The following SSH2 variants were observed in gnomAD, a reference collection of about 807,000 sequenced individuals.
SSH2 encodes slingshot protein phosphatase 2.
SSH2 carries 37 observed loss-of-function variants against 135.2 expected under a neutral mutation model. The ratio of observed to expected loss-of-function variants is 0.27; its 90% CI spans 0.21 to 0.36. SSH2 has a LOEUF of 0.36. Ranked by LOEUF, SSH2 falls within the 10% of genes least tolerant of loss-of-function variation. The probability of loss-of-function intolerance (pLI) is 1.00; values close to 1 mark genes in which losing one functional copy is unlikely to be tolerated. For missense variants in SSH2, 1,408 were observed against 1,765.3 expected (o/e 0.80, Z 3.63); for synonymous variants, 628 against 646.2 (o/e 0.97, Z 0.43).
intron 6 of SSH2, among the ~76,000 whole-genome samples, chr17:29,683,371 A>T (rs2038064716): frequency 6.6e-6 from 1 of 152,232 alleles, no homozygotes; most frequent in Admixed American, 6.5e-5. Context: ...CTTTCATCAT[A>T]GAATGTAAAG....
intron 1 of SSH2, among the ~76,000 whole-genome samples, chr17:29,880,785 T>C (rs1457833807): frequency 6.6e-6 from 1 of 152,174 alleles, no homozygotes; most frequent in Non-Finnish European, 1.5e-5. Context: ...CACTACCTCA[T>C]ATTTGAGTAA....
intron 1 of SSH2, chr17:29,856,440 TGATGCATGCCTGTA>T (rs1036669875): frequency 2.7e-5 from 5 of 183,018 alleles, no homozygotes; most frequent in African/African-American, 1.2e-4. Flanking sequence ...CTGGGCTTGG[TGATGCATGCCTGTA>T]GTCTCAGCTA....
At chr17:29,821,142 A>C (rs1389847178) in intron 2 of SSH2, among the ~76,000 whole-genome samples, 1 of 152,174 alleles carries the variant, frequency 6.6e-6, no homozygotes, top group Non-Finnish European at 1.5e-5. Context: ...CAAAATTCAA[A>C]GTCTCTGATC....
chr17:29,830,624 T>A (rs1568000396), intron 2 of SSH2, among the ~76,000 whole-genome samples: 1 of 152,216 alleles, frequency 6.6e-6, no homozygotes, highest in Non-Finnish European at 1.5e-5. Context: ...CAGCAACCAC[T>A]GCAGTGTCTA....
intron 3 of SSH2, among the ~76,000 whole-genome samples, chr17:29,718,687 C>T (rs143881975): frequency 6.7e-4 from 85 of 127,476 alleles, no homozygotes; most frequent in African/African-American, 2.4e-3. Context: ...AAGCCAAGAT[C>T]GTGCCACTGC....
At chr17:29,639,338 T>C (rs529550332) in intron 14 of SSH2, among the ~76,000 whole-genome samples, 29 of 152,266 alleles carry the variant, frequency 1.9e-4, no homozygotes, top group Admixed American at 3.3e-4. Flanking sequence ...AGTATGGTCC[T>C]TGGGGGTGTG....
chr17:29,828,256 C>A (rs2042780279), intron 2 of SSH2, among the ~76,000 whole-genome samples: 1 of 152,186 alleles, frequency 6.6e-6, no homozygotes, highest in South Asian at 2.1e-4. Context: ...TTTCGTAGCA[C>A]TTGGCAGCAA....
chr17:29,837,026 G>A (rs540458035), intron 2 of SSH2, among the ~76,000 whole-genome samples: 1 of 152,268 alleles, frequency 6.6e-6, no homozygotes, highest in South Asian at 2.1e-4. Context: ...GGAGGCCGAG[G>A]AGGGCGGATC....
At chr17:29,646,235 G>A (rs1478991301) in intron 14 of SSH2, among the ~76,000 whole-genome samples, 1 of 152,148 alleles carries the variant, frequency 6.6e-6, no homozygotes, top group African/African-American at 2.4e-5. Context: ...ATAACGTAGT[G>A]CAATTAATTA....
intron 4 of SSH2, 148 bp downstream of exon 4, chr17:29,702,811 G>C: frequency 1.6e-6 from 1 of 630,998 alleles, no homozygotes; most frequent in Non-Finnish European, 2.7e-6. Context: ...AAATTGGTCT[G>C]TGAGGGTAAA....
chr17:29,894,879 C>A (rs1447484157), intron 1 of SSH2, among the ~76,000 whole-genome samples: 2 of 151,538 alleles, frequency 1.3e-5, no homozygotes, highest in Non-Finnish European at 2.9e-5. Context: ...CACCCCCGCC[C>A]CCCCAATACA....
Position 29,715,191 on chromosome 17 carries a change from A to G in SSH2, c.189-12129T>C, listed in dbSNP as rs1330929576. 2.7e-5 allele frequency among the ~76,000 whole-genome samples: 4 copies of G among 149,872 alleles called. No individual in the cohort carries two copies. In the East Asian group the frequency reaches 6.0e-4, roughly 23 times the overall value. ...GATTCCTCGGTTTTTTCTAGCTATC[A>G]ACCTCCTTTTGGCTTTTTCTTTCCT... On this transcript the variant is annotated intron_variant, in intron 3 of 15. Transcript: ENST00000540801.
chr17:29,725,819 G>T (rs558105316), intron 3 of SSH2, among the ~76,000 whole-genome samples: 1 of 152,138 alleles, frequency 6.6e-6, no homozygotes, highest in African/African-American at 2.4e-5. Context: ...AAACCTAGAT[G>T]ATGGGTTGAT....
intron 1 of SSH2, among the ~76,000 whole-genome samples, chr17:29,899,750 A>C (rs554138936): frequency 6.6e-6 from 1 of 152,334 alleles, no homozygotes; most frequent in Non-Finnish European, 1.5e-5. Flanking sequence ...CAAGCTATCA[A>C]TGACTTTCTT....
rs186343139 is a variant in SSH2 at position 29,645,375 on chromosome 17, G to C, written c.1427+2769C>G. 4.6e-5 allele frequency: 7 copies of C among 151,966 alleles called. No individual in the cohort carries two copies. The East Asian group carries it at 1.3e-3, about 29-fold the overall frequency. 9.4% of individuals were successfully genotyped at this position (151,966 alleles called of 1,614,324 possible). On this transcript the variant is annotated intron_variant, in intron 14 of 15. Transcript: ENST00000540801. ...GAATCAAGCCTAGGAAGCTGAGATG[G>C]AGCAAAAAAAGGAAGGGAAAGGGAA...
At position 29,699,493 on chromosome 17, in the gene SSH2, G is replaced by A. The variant is rs142141569; in HGVS notation, c.292+3466C>T. Among the ~76,000 whole-genome samples the A allele has an allele frequency of 3.3e-5, 5 of 152,256 alleles. No homozygotes were observed. The East Asian group carries it at 5.8e-4, about 18-fold the overall frequency. Reference sequence around the variant, plus strand: ...ATACTCGCACTGCCTCATCTGTTCCGGTCTGGATCACAAGCAAGTCCATTC... The same window carrying A: ...ATACTCGCACTGCCTCATCTGTTCCAGTCTGGATCACAAGCAAGTCCATTC... On this transcript the variant is annotated intron_variant, in intron 4 of 15. Transcript: ENST00000540801.
At chr17:29,796,539 T>G (rs2042159176) in intron 2 of SSH2, among the ~76,000 whole-genome samples, 1 of 151,708 alleles carries the variant, frequency 6.6e-6, no homozygotes, top group African/African-American at 2.4e-5. Context: ...ACGGGCTTTC[T>G]CCATGTTGGC....
chr17:29,820,369 C>G (rs1207813243), intron 2 of SSH2, among the ~76,000 whole-genome samples: 1 of 152,192 alleles, frequency 6.6e-6, no homozygotes, highest in Non-Finnish European at 1.5e-5. Flanking sequence ...AATTAATTCA[C>G]CACAGGAACA....
At chr17:29,819,204 A>G (rs995578229) in intron 2 of SSH2, among the ~76,000 whole-genome samples, 8 of 152,150 alleles carry the variant, frequency 5.3e-5, no homozygotes, top group Non-Finnish European at 8.8e-5. Context: ...AAAAAGCACC[A>G]GCAATTTCAT....
Sources: gnomAD v4.1 joint callset for allele counts (sites outside exome capture counted in the v4.1 genomes callset) on GRCh38, gnomAD v4.1.1 for gene constraint, MANE v1.5 for transcripts, NCBI Gene and HGNC (gene_info 2026-07-23, HGNC 2026-07-21) for gene names.